SUSD1: variants seen among roughly 807,000 people sequenced by gnomAD.
SUSD1 encodes the protein sushi domain containing 1.
SUSD1 carries 65 observed loss-of-function variants against 86.9 expected under a neutral mutation model. That is an observed-to-expected ratio of 0.75 (90% CI 0.61 to 0.92). SUSD1 has a LOEUF of 0.92. SUSD1 is among the 40% of genes least tolerant of loss of function. The probability of loss-of-function intolerance (pLI) is 0.00; values close to 1 mark genes in which losing one functional copy is unlikely to be tolerated. For synonymous variants in SUSD1, 346 were observed against 350.0 expected (o/e 0.99, Z 0.13); for missense variants, 850 against 929.7 (o/e 0.91, Z 1.11).
In SUSD1 at chr9:112,085,579, T is replaced by C. The variant is rs190301725; in HGVS notation, c.1475-5414A>G. 7.0e-4 allele frequency among the ~76,000 whole-genome samples: 106 copies of C among 152,334 alleles called. 1 individual carries two copies. Among genetic ancestry groups the C allele is most frequent in the Middle Eastern group, 3.4e-3 (1 of 294 alleles). On this transcript the variant is annotated intron_variant, in intron 10 of 16. Coordinates refer to ENST00000374270, the MANE Select transcript of SUSD1 (RefSeq NM_022486.5). ...AGGAACTGTGCCAAACTACTACCTA[T>C]ACTTCCTGTTAAAATAGGTTACGGG...
intron 12 of SUSD1, among the ~76,000 whole-genome samples, chr9:112,066,318 G>A (rs906833210): frequency 6.6e-6 from 1 of 152,142 alleles, no homozygotes; most frequent in Non-Finnish European, 1.5e-5. Flanking sequence ...TCAAAGGGAA[G>A]GGATGAATAG....
chr9:112,063,091 CA>C, intron 12 of SUSD1, 58 bp from the exon 13 acceptor site: 1 of 1,093,776 alleles, frequency 9.1e-7, no homozygotes, highest in Non-Finnish European at 1.4e-6. Flanking sequence ...AACAGCAGGA[CA>C]AAAGAGGTCC....
chr9:112,110,664 T>C (rs1831054616), intron 8 of SUSD1, among the ~76,000 whole-genome samples: 1 of 151,846 alleles, frequency 6.6e-6, no homozygotes, highest in Non-Finnish European at 1.5e-5. Flanking sequence ...GTGCAGGGAT[T>C]ACAGACATGA....
Position 112,042,032 on chromosome 9 carries a change from T to C in SUSD1, c.2150-72A>G, listed in dbSNP as rs757631247. 3 of 1,580,638 alleles carry C rather than the reference T, an allele frequency of 1.9e-6. No individual in the cohort carries two copies. In the African/African-American group the frequency reaches 4.1e-5, roughly 21 times the overall value. ...ACCTCCCAGGAGGCACACACCCCACTGTGCTCAATCCATTTTAACCCAGAG... is the reference window on the plus strand; with the variant it reads ...ACCTCCCAGGAGGCACACACCCCACCGTGCTCAATCCATTTTAACCCAGAG... On this transcript the variant is annotated intron_variant, in intron 15 of 16. Coordinates refer to ENST00000374270, the MANE Select transcript of SUSD1 (RefSeq NM_022486.5).
intron 1 of SUSD1, among the ~76,000 whole-genome samples, chr9:112,162,585 A>G (rs77329434): frequency 7.1e-4 from 108 of 152,364 alleles, no homozygotes; most frequent in African/African-American, 2.5e-3. Context: ...TAATAGACAT[A>G]AATATGATTC....
chr9:112,074,230 G>C (rs969892422), intron 12 of SUSD1, among the ~76,000 whole-genome samples: 3 of 151,946 alleles, frequency 2.0e-5, no homozygotes, highest in African/African-American at 7.2e-5. Context: ...CAAAAAAAAA[G>C]AAAAAGAAAA....
At chr9:112,165,993 G>GAAAGAAA (rs1342453688) in intron 1 of SUSD1, among the ~76,000 whole-genome samples, 1 of 151,148 alleles carries the variant, frequency 6.6e-6, no homozygotes, top group Admixed American at 6.6e-5. Flanking sequence ...AAGAAAGAAA[G>GAAAGAAA]AAAATAATTT....
Position 112,052,401 on chromosome 9 carries a change from T to C in SUSD1, c.2147A>G (p.Lys716Arg), listed in dbSNP as rs1162376824. Reference sequence around the variant, plus strand: ...TCATAGGCAGAAAATAATTTTACCTTTCACCTGAGCCCAAACTGCACAGGA... The same window carrying C: ...TCATAGGCAGAAAATAATTTTACCTCTCACCTGAGCCCAAACTGCACAGGA... ...RHSCAVWAQVKDSSLMLLQMA... is the reference protein window; with the variant it reads ...RHSCAVWAQVRDSSLMLLQMA... The change falls in exon 15 of 17, where the codon AAA becomes AGA. Residue 716 changes from lysine to arginine, a missense_variant and splice_region_variant. Physicochemically the swap from Lys to Arg is conservative, Grantham distance 26 (BLOSUM62 2). Coordinates refer to ENST00000374270, the MANE Select transcript of SUSD1 (RefSeq NM_022486.5). 6.2e-7 allele frequency: 1 copy of C among 1,613,990 alleles called. No homozygotes were observed. Among genetic ancestry groups the C allele is most frequent in the Non-Finnish European group, 8.5e-7 (1 of 1,179,968 alleles).
At chr9:112,134,827 G>C (rs907398547) in intron 5 of SUSD1, among the ~76,000 whole-genome samples, 1 of 151,960 alleles carries the variant, frequency 6.6e-6, no homozygotes, top group African/African-American at 2.4e-5. Flanking sequence ...CAGCATTTTG[G>C]GAGTCCAAGG....
chr9:112,060,272 CTTTTT>C, intron 13 of SUSD1, among the ~76,000 whole-genome samples: 1 of 152,002 alleles, frequency 6.6e-6, no homozygotes, highest in South Asian at 2.1e-4. Context: ...CTTTTCTTTT[CTTTTT>C]TAAGAAGGGA....
intron 15 of SUSD1, among the ~76,000 whole-genome samples, chr9:112,046,457 C>T (rs1827959940): frequency 6.6e-6 from 1 of 152,022 alleles, no homozygotes. Context: ...CTTCACCATT[C>T]TCTTTATGGT....
In SUSD1 at chr9:112,098,600, G is replaced by A. The variant is rs1830497064; in HGVS notation, c.1344C>T (p.Phe448=). 1 of 1,614,194 alleles carries A rather than the reference G, an allele frequency of 6.2e-7. No individual in the cohort carries two copies. Among genetic ancestry groups the A allele is most frequent in the Non-Finnish European group, 8.5e-7 (1 of 1,180,024 alleles). ...CTACAGGCACTTGTTCCCTCGTTGT[G>A]AAGTTAAACGATGTTGCATGAGAAA... The part of the protein sequence containing the change: ...ANFSHATSFN[F]TTREQVPVVC... The change falls in exon 10 of 17, where the codon TTC becomes TTT. Residue 448 remains phenylalanine (F), a synonymous_variant. Transcript: ENST00000374270.
At chr9:112,134,092 G>T (rs1244648548) in intron 5 of SUSD1, among the ~76,000 whole-genome samples, 1 of 152,142 alleles carries the variant, frequency 6.6e-6, no homozygotes, top group Non-Finnish European at 1.5e-5. Flanking sequence ...ACAGAGAAAA[G>T]GGAATGCTTA....
At chr9:112,119,649 T>C (rs1191882837) in intron 6 of SUSD1, among the ~76,000 whole-genome samples, 1 of 152,220 alleles carries the variant, frequency 6.6e-6, no homozygotes. Flanking sequence ...GAAAGTCTTA[T>C]CAAGAATGAA....
At position 112,141,947 on chromosome 9, in the gene SUSD1, CCTAACATCAAAAAA is replaced by C. The variant is rs1480774582; in HGVS notation, c.706+359_706+372del. ...CTGGGAATATATATATATATATACA[CCTAACATCAAAAAA>C]CTAACATCAGGAATGAAGAAACACC... On this transcript the variant is annotated intron_variant, in intron 5 of 16. Transcript: ENST00000374270. 4.1e-5 allele frequency among the ~76,000 whole-genome samples: 6 copies of C among 144,738 alleles called. No homozygotes were observed. In the Admixed American group the frequency reaches 4.2e-4, roughly 10 times the overall value. The allele number at this position is 144,738 out of a possible 152,430, so 95.0% of individuals were successfully genotyped here.
At chr9:112,163,762 G>T (rs1833665541) in intron 1 of SUSD1, among the ~76,000 whole-genome samples, 1 of 152,214 alleles carries the variant, frequency 6.6e-6, no homozygotes, top group Admixed American at 6.5e-5. Flanking sequence ...ACTTTGGGAG[G>T]CCAAGCAGGG....
rs746445155 is a variant in SUSD1, at chr9:112,149,224, G to T, written c.373+20C>A. Reference sequence around the variant, plus strand: ...CCTGCCATCGCCAATTGTCAACACCGCAGCCCCCTTCTTGAGTACCTGTAC... The same window carrying T: ...CCTGCCATCGCCAATTGTCAACACCTCAGCCCCCTTCTTGAGTACCTGTAC... On this transcript the variant is annotated intron_variant, in intron 3 of 16. Transcript: ENST00000374270. 16 of 1,612,912 alleles carry T rather than the reference G, an allele frequency of 9.9e-6. No homozygotes were observed. The highest frequency in any genetic ancestry group is 5.0e-5 in the Admixed American group (3 of 59,978).
chr9:112,112,580 G>A (rs930035350), intron 7 of SUSD1, among the ~76,000 whole-genome samples, 191 bp downstream of exon 7: 2 of 151,952 alleles, frequency 1.3e-5, no homozygotes, highest in South Asian at 4.2e-4. Context: ...AGGTTGCAGT[G>A]AGCCAAGATC....
At chr9:112,122,456 G>T (rs35338796) in intron 6 of SUSD1, among the ~76,000 whole-genome samples, 1 of 151,850 alleles carries the variant, frequency 6.6e-6, no homozygotes, top group Non-Finnish European at 1.5e-5. Flanking sequence ...CACTGCACCC[G>T]GCTAATTTTT....
Sources: allele counts gnomAD v4.1 joint callset (sites outside exome capture counted in the v4.1 genomes callset), GRCh38; gene constraint gnomAD v4.1.1; transcripts MANE v1.5; gene names NCBI Gene and HGNC (gene_info 2026-07-23, HGNC 2026-07-21).